NDUFAF7: variants seen among roughly 807,000 people sequenced by gnomAD.
The protein encoded by NDUFAF7 is protein arginine methyltransferase NDUFAF7, mitochondrial.
A neutral mutation model predicts 47.2 loss-of-function variants in NDUFAF7; 48 were observed. The ratio of observed to expected loss-of-function variants is 1.02; its 90% confidence interval spans 0.81 to 1.29. The LOEUF (loss-of-function observed/expected upper bound fraction) is 1.29, where lower values mean the gene tolerates loss of function less well. Among genes scored for constraint, NDUFAF7 ranks in the 50% most tolerant of loss-of-function variants. The pLI is 0.00. For missense variants in NDUFAF7, 635 were observed against 537.6 expected (o/e 1.18, Z -1.79); for synonymous variants, 217 against 190.0 (o/e 1.14, Z -1.17).
downstream of NDUFAF7, chr2:37,252,063 A>G (rs1294182610): frequency 2.0e-5 from 3 of 152,162 alleles, no homozygotes; most frequent in Non-Finnish European, 2.9e-5. Flanking sequence ...TGCTGTGCTG[A>G]TAATACAGCC....
At chr2:37,232,406 A>T in intron 2 of NDUFAF7, 140 bp downstream of exon 2, 1 of 1,142,996 alleles carries the variant, frequency 8.7e-7, no homozygotes, top group East Asian at 2.4e-5. Flanking sequence ...GGACCTGGGG[A>T]CAGATAATTT....
chr2:37,251,098 C>T (rs987355932), downstream of NDUFAF7: 5 of 152,522 alleles, frequency 3.3e-5, no homozygotes, highest in African/African-American at 9.7e-5. Context: ...GATTGATTGC[C>T]TAGTGACTCA....
At chr2:37,241,220 C>T (rs186836352) in intron 4 of NDUFAF7, among the ~76,000 whole-genome samples, 7 of 152,166 alleles carry the variant, frequency 4.6e-5, no homozygotes, top group Non-Finnish European at 7.4e-5. Flanking sequence ...GAGATTACTT[C>T]CTAGACCTAG....
intron 2 of NDUFAF7, among the ~76,000 whole-genome samples, chr2:37,235,712 T>C (rs1277663529): frequency 3.3e-5 from 5 of 152,086 alleles, no homozygotes; most frequent in African/African-American, 1.2e-4. Context: ...TGGAGTGCAG[T>C]GGCGCGATCT....
Position 37,248,317 on chromosome 2 carries a change from T to C in NDUFAF7, c.1293T>C (p.Val431=), listed in dbSNP as rs748504954. 1 of 1,614,116 alleles carries C rather than the reference T, an allele frequency of 6.2e-7. No homozygotes were observed. The highest frequency in any genetic ancestry group is 2.2e-5 in the East Asian group (1 of 44,880). The change falls in exon 10 of 10, where the codon GTT becomes GTC. Residue 431 remains valine, a synonymous_variant. Coordinates refer to ENST00000002125, the MANE Select transcript of NDUFAF7 (RefSeq NM_144736.5). ...GTCAGTCAAAACCCTTTGCATCCGTTGTAGCTGGGTTTAGTGAACTTGCTT... is the reference window on the plus strand; with the variant it reads ...GTCAGTCAAAACCCTTTGCATCCGTCGTAGCTGGGTTTAGTGAACTTGCTT... ...NARQSKPFAS[V]VAGFSELAWQ
downstream of NDUFAF7, among the ~76,000 whole-genome samples, chr2:37,257,666 C>CA (rs1491483662): frequency 2.9e-3 from 180 of 62,334 alleles, 10 homozygotes; most frequent in East Asian, 4.0e-3. Context: ...GACTCTGTCT[C>CA]AAAAGAAAAA....
At chr2:37,247,429 CA>C in intron 8 of NDUFAF7, 26 bp from the exon 9 acceptor site, 1 of 1,613,468 alleles carries the variant, frequency 6.2e-7, no homozygotes, top group Non-Finnish European at 8.5e-7. Flanking sequence ...CATAAAAGGG[CA>C]AAAATCTGAT....
the NDUFAF7 span, chr2:37,269,520 C>A: frequency 8.9e-7 from 1 of 1,122,838 alleles, no homozygotes; most frequent in Non-Finnish European, 1.3e-6. Context: ...AGGCACTGGA[C>A]AAAACTATGA....
Position 37,241,769 on chromosome 2 carries a change from A to C in NDUFAF7, c.600A>C (p.Arg200=). 1.2e-6 allele frequency: 2 copies of C among 1,613,804 alleles called. No homozygotes were observed. Among genetic ancestry groups the C allele is most frequent in the Non-Finnish European group, 1.7e-6 (2 of 1,179,978 alleles). Residue 200 remains arginine (R), a synonymous_variant, in exon 5 of 10, where the codon CGA becomes CGC. Transcript: ENST00000002125. The stretch of plus-strand genomic sequence containing the variant: ...CTGGGATTCCAATTTCCTGGTACCG[A>C]GATCTGCACGATGTTCCAAAAGGTA... The part of the protein sequence containing the change: ...TKSGIPISWY[R]DLHDVPKGYS...
chr2:37,249,643 G>GACACACACACAC (rs56208997), downstream of NDUFAF7, among the ~76,000 whole-genome samples: 9,229 of 132,452 alleles, frequency 0.07, 452 homozygotes, highest in South Asian at 0.092. Context: ...CTGTGATAGA[G>GACACACACACAC]ACACACACAC....
At chr2:37,267,076 G>A in the NDUFAF7 span, among the ~76,000 whole-genome samples, 1 of 152,126 alleles carries the variant, frequency 6.6e-6, no homozygotes, top group Admixed American at 6.5e-5. Flanking sequence ...CTGTTAAAAG[G>A]TACATAATTT....
chr2:37,239,515 C>G (rs540681748), intron 4 of NDUFAF7, among the ~76,000 whole-genome samples: 62 of 152,086 alleles, frequency 4.1e-4, no homozygotes, highest in Non-Finnish European at 3.8e-4. Flanking sequence ...GTGATATACC[C>G]TAGAGAAACT....
chr2:37,258,668 A>G, the NDUFAF7 span, among the ~76,000 whole-genome samples: 1 of 152,168 alleles, frequency 6.6e-6, no homozygotes, highest in Non-Finnish European at 1.5e-5. Context: ...CTATCAGGCA[A>G]CCCTTTCGAC....
intron 6 of NDUFAF7, among the ~76,000 whole-genome samples, chr2:37,243,071 C>T (rs1314456535): frequency 6.6e-6 from 1 of 152,090 alleles, no homozygotes; most frequent in African/African-American, 2.4e-5. Flanking sequence ...AAGTGTTCAT[C>T]CTGCCTCAGC....
At chr2:37,267,393 C>T in the NDUFAF7 span, 1 of 1,361,898 alleles carries the variant, frequency 7.3e-7, no homozygotes, top group Non-Finnish European at 1.0e-6. Flanking sequence ...TCTTACCAGC[C>T]TCTTTAATAA....
At chr2:37,256,628 A>ATTTTTTTTTTTTTTTTT (rs56389006), downstream of NDUFAF7, 5 of 1,202,302 alleles carry the variant, frequency 4.2e-6, no homozygotes, top group East Asian at 1.6e-4. Flanking sequence ...CATAGCCAAA[A>ATTTTTTTTTTTTTTTTT]TTTTTTTTTT....
downstream of NDUFAF7, among the ~76,000 whole-genome samples, chr2:37,256,027 A>G (rs1326685952): frequency 6.6e-6 from 1 of 152,176 alleles, no homozygotes; most frequent in Non-Finnish European, 1.5e-5. Context: ...ATAAAAAAAG[A>G]TAATAAAAAA....
At chr2:37,245,519 C>T (rs978281494) in intron 7 of NDUFAF7, among the ~76,000 whole-genome samples, 4 of 152,102 alleles carry the variant, frequency 2.6e-5, no homozygotes, top group Admixed American at 6.6e-5. Context: ...TATAAGCCAG[C>T]GTTTCTTGAT....
chr2:37,252,771 T>TAAA (rs1291031469), downstream of NDUFAF7: 7 of 151,542 alleles, frequency 4.6e-5, no homozygotes, highest in Non-Finnish European at 1.0e-4. Context: ...TTGTATAATT[T>TAAA]AGCCAAGCTA....
Sources: gnomAD v4.1 joint callset for allele counts (sites outside exome capture counted in the v4.1 genomes callset) on GRCh38, gnomAD v4.1.1 for gene constraint, MANE v1.5 for transcripts, NCBI Gene and HGNC (gene_info 2026-07-23, HGNC 2026-07-21) for gene names.